PDE4DIP: variants seen among roughly 807,000 people sequenced by gnomAD.
The protein encoded by PDE4DIP is myomegalin.
Under a neutral mutation model 221.4 loss-of-function variants are expected in PDE4DIP, and 59 were observed. The observed-to-expected ratio is 0.27, with a 90% CI of 0.22 to 0.33. PDE4DIP has a LOEUF of 0.33. Ranked by LOEUF, PDE4DIP falls within the 10% of genes least tolerant of loss-of-function variation. PDE4DIP has a pLI of 1.00. For synonymous variants in PDE4DIP, 404 were observed against 815.9 expected (o/e 0.50, Z 8.60); for missense variants, 1,036 against 2,154.2 (o/e 0.48, Z 10.28).
At chr1:149,017,852 C>A in exon 34 of PDE4DIP, 1 of 1,613,514 alleles carries the variant, frequency 6.2e-7, no homozygotes, top group Non-Finnish European at 8.5e-7. Flanking sequence ...ACTGGAACAC[C>A]GGCTGACCTC....
chr1:149,021,322 ACG>A, intron 37 of PDE4DIP, 169 bp downstream of exon 40: 1 of 615,762 alleles, frequency 1.6e-6, no homozygotes. Context: ...ACAAAGCCCA[ACG>A]GGACAGGTTG....
intron 41 of PDE4DIP, among the ~76,000 whole-genome samples, chr1:149,029,030 C>T (rs1178528309): frequency 6.6e-6 from 1 of 152,226 alleles, no homozygotes; most frequent in African/African-American, 2.4e-5. Context: ...TGAAGTTTGA[C>T]TGAGCTGAAA....
exon 28 of PDE4DIP, chr1:149,007,304 A>G (rs2067325838): frequency 6.2e-7 from 1 of 1,602,432 alleles, no homozygotes; most frequent in Non-Finnish European, 8.5e-7. Context: ...CCGGCATGCA[A>G]AAGATACAGT....
At chr1:148,973,648 A>G (rs1206665115) in intron 16 of PDE4DIP, among the ~76,000 whole-genome samples, 1 of 151,940 alleles carries the variant, frequency 6.6e-6, no homozygotes, top group Non-Finnish European at 1.5e-5. Flanking sequence ...GCAGAATACT[A>G]TAATATGCAA....
chr1:148,986,033 A>G (rs1179983925), intron 21 of PDE4DIP: 1 of 152,176 alleles, frequency 6.6e-6, no homozygotes, highest in Non-Finnish European at 1.5e-5. Context: ...ATGAGTTTCT[A>G]TCTGTGTCCA....
At chr1:148,898,816 C>T (rs1553444774) in intron 1 of PDE4DIP, among the ~76,000 whole-genome samples, 1 of 104,310 alleles carries the variant, frequency 9.6e-6, no homozygotes, top group Non-Finnish European at 1.8e-5. Flanking sequence ...GCCACCATGC[C>T]TGGAAAATCC....
At chr1:149,011,057 A>G (rs2068458951) in intron 31 of PDE4DIP, among the ~76,000 whole-genome samples, 1 of 151,788 alleles carries the variant, frequency 6.6e-6, no homozygotes, top group Non-Finnish European at 1.5e-5. Context: ...TTCTGTTCAT[A>G]GTACGTTACC....
intron 37 of PDE4DIP, among the ~76,000 whole-genome samples, chr1:149,023,487 A>C (rs1173810985): frequency 1.4e-5 from 2 of 147,474 alleles, no homozygotes; most frequent in Admixed American, 1.4e-4. Flanking sequence ...AGATCTCTTC[A>C]TCCCCAGTAC....
chr1:148,937,207 A>C (rs2049397413), intron 4 of PDE4DIP, among the ~76,000 whole-genome samples: 1 of 152,204 alleles, frequency 6.6e-6, no homozygotes, highest in African/African-American at 2.4e-5. Flanking sequence ...TTGGACCATC[A>C]TCATACATGC....
At chr1:148,899,537 A>C (rs1419263791) in intron 1 of PDE4DIP, among the ~76,000 whole-genome samples, 1 of 93,546 alleles carries the variant, frequency 1.1e-5, no homozygotes, top group Admixed American at 1.0e-4. Flanking sequence ...CTTTGTCTTC[A>C]AAGGGGAATA....
At chr1:148,979,804 G>T in exon 20 of PDE4DIP, 1 of 1,613,674 alleles carries the variant, frequency 6.2e-7, no homozygotes, top group South Asian at 1.1e-5. Context: ...CAAGCAGAGA[G>T]ACAGCTCTAT....
intron 5 of PDE4DIP, chr1:148,953,098 G>C: frequency 6.2e-7 from 1 of 1,614,080 alleles, no homozygotes; most frequent in Non-Finnish European, 8.5e-7. Flanking sequence ...ACTCTGGCGC[G>C]GAGATCAAGG....
intron 1 of PDE4DIP, among the ~76,000 whole-genome samples, chr1:148,820,875 C>T (rs113004147): frequency 3.6e-4 from 45 of 126,070 alleles, no homozygotes; most frequent in African/African-American, 1.3e-3. Flanking sequence ...ATTTTTGAGG[C>T]GGAGTCTCGC....
intron 21 of PDE4DIP, chr1:148,982,980 A>T (rs1482304115): frequency 1.3e-5 from 2 of 152,058 alleles, no homozygotes; most frequent in African/African-American, 4.8e-5. Flanking sequence ...TGATTAAGTC[A>T]TTTGCAAAAG....
Position 148,828,001 on chromosome 1 carries a change from G to T in PDE4DIP, c.233+19264G>T, listed in dbSNP as rs587767103. 1.0e-3 allele frequency among the ~76,000 whole-genome samples: 18 copies of T among 17,948 alleles called. No individual in the cohort carries two copies. The East Asian group carries it at 0.062, about 62-fold the overall frequency. The allele number at this position is 17,948 out of a possible 152,430, so 11.8% of individuals were successfully genotyped here. A position where few individuals can be genotyped will look rare whatever the true frequency, so the allele number is the denominator to read the frequency against. ...ATATATGGCTATCTTGTCCTTAGAGGTATTTTTTCTTTTTTTTAAGAGACA... is the reference window on the plus strand; with the variant it reads ...ATATATGGCTATCTTGTCCTTAGAGTTATTTTTTCTTTTTTTTAAGAGACA... On this transcript the variant is annotated intron_variant, in intron 1 of 45. Coordinates refer to the PDE4DIP transcript ENST00000524974.
chr1:148,918,627 A>ACG (rs1175341340), intron 1 of PDE4DIP, among the ~76,000 whole-genome samples: 1 of 80,474 alleles, frequency 1.2e-5, no homozygotes, highest in East Asian at 6.5e-4. Context: ...CTCTCTACAC[A>ACG]CACACACACA....
chr1:148,973,321 G>A (rs1371405070), intron 16 of PDE4DIP, among the ~76,000 whole-genome samples: 4 of 151,346 alleles, frequency 2.6e-5, no homozygotes, highest in South Asian at 2.1e-4. Context: ...TAGTAGAGAC[G>A]GGGTTTCACC....
exon 44 of PDE4DIP, chr1:149,032,014 G>C (rs782279537): frequency 3.1e-6 from 5 of 1,610,974 alleles, no homozygotes; most frequent in Non-Finnish European, 4.2e-6. Flanking sequence ...CATGCAAGAA[G>C]CGCAGCCACC....
intron 41 of PDE4DIP, among the ~76,000 whole-genome samples, chr1:149,029,397 C>G (rs74718325): frequency 6.6e-6 from 1 of 152,232 alleles, no homozygotes; most frequent in African/African-American, 2.4e-5. Context: ...TTGCAGACTT[C>G]CCTGAGTCCA....
Sources: gnomAD v4.1 joint callset for allele counts (sites outside exome capture counted in the v4.1 genomes callset) on GRCh38, gnomAD v4.1.1 for gene constraint, MANE v1.5 for transcripts, NCBI Gene and HGNC (gene_info 2026-07-23, HGNC 2026-07-21) for gene names.